The following PALLD variants were observed in gnomAD, a reference collection of about 807,000 sequenced individuals.
PALLD encodes the protein palladin.
PALLD carries 61 observed loss-of-function variants against 123.5 expected under a neutral mutation model. That is an observed-to-expected ratio of 0.49 (90% CI 0.40 to 0.61). The LOEUF (loss-of-function observed/expected upper bound fraction) is 0.61. Ranked by LOEUF, PALLD falls within the 20% of genes least tolerant of loss-of-function variation. The pLI is 0.00. For missense variants in PALLD, 1,273 were observed against 1,377.0 expected, an observed-to-expected ratio of 0.92 and a Z score of 1.20; for synonymous variants, 465 against 496.4, an observed-to-expected ratio of 0.94 and a Z score of 0.84.
chr4:168,808,526 G>A (rs1312767970), intron 10 of PALLD, among the ~76,000 whole-genome samples: 1 of 152,108 alleles, frequency 6.6e-6, no homozygotes, highest in African/African-American at 2.4e-5. Flanking sequence ...TGAAAATTGA[G>A]TAGATACATA....
At chr4:168,670,364 T>G (rs1780067434) in intron 3 of PALLD, among the ~76,000 whole-genome samples, 1 of 152,234 alleles carries the variant, frequency 6.6e-6, no homozygotes, top group Non-Finnish European at 1.5e-5. Flanking sequence ...AGTGCAGGTA[T>G]AAATGTGGTT....
At chr4:168,660,559 C>T (rs149960781) in intron 2 of PALLD, among the ~76,000 whole-genome samples, 11 of 152,010 alleles carry the variant, frequency 7.2e-5, no homozygotes, top group Admixed American at 2.6e-4. Context: ...AAAATCCTTA[C>T]GGGGAGGGAG....
At chr4:168,549,018 C>A (rs1326895385) in intron 2 of PALLD, among the ~76,000 whole-genome samples, 1 of 151,584 alleles carries the variant, frequency 6.6e-6, no homozygotes, top group Non-Finnish European at 1.5e-5. Flanking sequence ...AAGACCCTAT[C>A]TCTAAAAAAG....
chr4:168,543,872 A>G (rs1428295197), intron 2 of PALLD, among the ~76,000 whole-genome samples: 3 of 152,236 alleles, frequency 2.0e-5, no homozygotes, highest in Non-Finnish European at 4.4e-5. Flanking sequence ...AAAGGAAGAG[A>G]TCCTTCTAGT....
chr4:168,838,014 C>T (rs1475499407), intron 10 of PALLD, among the ~76,000 whole-genome samples: 2 of 152,158 alleles, frequency 1.3e-5, no homozygotes. Context: ...GTAGAGAATA[C>T]AGGCTGAAGG....
rs182486213 is a variant in PALLD at position 168,760,131 on chromosome 4, C to T, written c.1964+48208C>T. On this transcript the variant is annotated intron_variant, in intron 10 of 21. Transcript: ENST00000505667. ...TCCCTGGCGTTTCCACATGGCACTT[C>T]CCCTTGTGTTTGACGTGTCAGCCTC... 3.0e-3 allele frequency among the ~76,000 whole-genome samples: 463 copies of T among 152,266 alleles called. 4 individuals carry two copies. Among genetic ancestry groups the T allele is most frequent in the African/African-American group, 0.011 (445 of 41,556 alleles).
At chr4:168,894,212 T>C (rs573882549) in intron 11 of PALLD, 1 of 304,788 alleles carries the variant, frequency 3.3e-6, no homozygotes, top group African/African-American at 2.2e-5. Flanking sequence ...CTGAAGCTGA[T>C]GGATGGCTAT....
chr4:168,735,265 C>T (rs1787625476), intron 10 of PALLD, among the ~76,000 whole-genome samples: 1 of 152,182 alleles, frequency 6.6e-6, no homozygotes, highest in African/African-American at 2.4e-5. Flanking sequence ...ACTGCTCTCG[C>T]CCCACTGGCC....
chr4:168,759,110 C>T (rs1363562770), intron 10 of PALLD, among the ~76,000 whole-genome samples: 6 of 140,658 alleles, frequency 4.3e-5, no homozygotes, highest in Admixed American at 7.5e-5. Context: ...ACCCGGGAGG[C>T]GGAGGTTGCA....
At chr4:168,508,622 A>C (rs186215905) in intron 1 of PALLD, among the ~76,000 whole-genome samples, 1 of 152,358 alleles carries the variant, frequency 6.6e-6, no homozygotes, top group Admixed American at 6.5e-5. Context: ...TGATTTCAAC[A>C]CAAAAACTGA....
At chr4:168,784,146 G>A (rs10014274) in intron 10 of PALLD, among the ~76,000 whole-genome samples, 80,235 of 151,896 alleles carry the variant, frequency 0.53, 22,251 homozygotes, top group Non-Finnish European at 0.63. Flanking sequence ...GGAGGAATAA[G>A]AGGAGGTAGT....
chr4:168,553,658 A>G (rs962350836), intron 2 of PALLD, among the ~76,000 whole-genome samples: 5 of 152,122 alleles, frequency 3.3e-5, no homozygotes, highest in African/African-American at 1.2e-4. Flanking sequence ...AAAATGTATC[A>G]TTAGACATGC....
intron 10 of PALLD, among the ~76,000 whole-genome samples, chr4:168,836,403 G>T (rs1299756963): frequency 6.6e-6 from 1 of 152,114 alleles, no homozygotes; most frequent in Non-Finnish European, 1.5e-5. Context: ...ACCGTTTTCT[G>T]GTTTCTACTG....
intron 19 of PALLD, 151 bp downstream of exon 19, chr4:168,924,571 T>C: frequency 3.7e-6 from 3 of 813,672 alleles, no homozygotes; most frequent in East Asian, 2.7e-5. Flanking sequence ...AAACCATGCG[T>C]TACCCAATGT....
intron 10 of PALLD, among the ~76,000 whole-genome samples, chr4:168,836,830 A>G (rs1163164895): frequency 2.6e-5 from 4 of 152,168 alleles, no homozygotes; most frequent in African/African-American, 7.2e-5. Flanking sequence ...CACTGAAACT[A>G]TGTCATATTT....
chr4:168,626,266 G>A (rs1025458796), intron 2 of PALLD, among the ~76,000 whole-genome samples: 2 of 152,012 alleles, frequency 1.3e-5, no homozygotes, highest in Non-Finnish European at 2.9e-5. Flanking sequence ...GGCGGGCGTG[G>A]TGGTGGGCTC....
chr4:168,782,192 C>T (rs1736017066), intron 10 of PALLD, among the ~76,000 whole-genome samples: 1 of 152,236 alleles, frequency 6.6e-6, no homozygotes, highest in South Asian at 2.1e-4. Context: ...CTGTGGAACA[C>T]TGAGGCGCAA....
At chr4:168,630,216 C>T (rs1775682948) in intron 2 of PALLD, among the ~76,000 whole-genome samples, 1 of 152,228 alleles carries the variant, frequency 6.6e-6, no homozygotes, top group South Asian at 2.1e-4. Context: ...GGCCACCCTG[C>T]TTCATTGTGA....
At chr4:168,851,039 C>T (rs552708899) in intron 10 of PALLD, among the ~76,000 whole-genome samples, 10 of 152,188 alleles carry the variant, frequency 6.6e-5, no homozygotes, top group Admixed American at 4.6e-4. Context: ...CAGTGGGTGC[C>T]GTCTCCCAGG....
Sources: allele counts gnomAD v4.1 joint callset (sites outside exome capture counted in the v4.1 genomes callset), GRCh38; gene constraint gnomAD v4.1.1; transcripts MANE v1.5; gene names NCBI Gene and HGNC (gene_info 2026-07-23, HGNC 2026-07-21).